PEX7: variants seen among roughly 807,000 people sequenced by gnomAD.
PEX7 encodes the protein PTS2 receptor.
PEX7 carries 34 observed loss-of-function variants against 47.5 expected under a neutral mutation model. That is an observed-to-expected ratio of 0.72 (90% confidence interval 0.54 to 0.95). The LOEUF (loss-of-function observed/expected upper bound fraction) is 0.95, where lower values mean the gene tolerates loss of function less well. Among genes scored for constraint, PEX7 ranks in the 40% least tolerant of loss-of-function variants. PEX7 has a pLI of 0.00. For missense variants in PEX7, 394 were observed against 400.3 expected, an observed-to-expected ratio of 0.98 and a Z score of 0.13; for synonymous variants, 141 against 148.8, an observed-to-expected ratio of 0.95 and a Z score of 0.38.
chr6:136,911,408 T>G (rs772617391), intron 9 of PEX7, among the ~76,000 whole-genome samples: 3 of 152,128 alleles, frequency 2.0e-5, no homozygotes, highest in Non-Finnish European at 4.4e-5. Context: ...GTATTTTGGT[T>G]GTTTTCCTTT....
chr6:136,913,587 A>C lies in PEX7; in HGVS notation c.*61A>C, dbSNP rs529661895. On this transcript the variant is annotated 3_prime_UTR_variant, in exon 10 of 10. Coordinates refer to ENST00000318471, the MANE Select transcript of PEX7 (RefSeq NM_000288.4). ...CTGAAGAACTGCCTAACAGCAAATA[A>C]ATTAACTATGGAAAACATAGACATT... 9 of 1,044,340 alleles carry C rather than the reference A, an allele frequency of 8.6e-6. No homozygotes were observed. In the East Asian group the frequency reaches 2.1e-4, roughly 25 times the overall value. 64.7% of individuals were successfully genotyped at this position (1,044,340 alleles called of 1,614,324 possible).
intron 9 of PEX7, among the ~76,000 whole-genome samples, chr6:136,910,327 G>A (rs1435109397): frequency 6.6e-6 from 1 of 152,120 alleles, no homozygotes; most frequent in Non-Finnish European, 1.5e-5. Flanking sequence ...TACAATGAAT[G>A]ACTTCATAGA....
At chr6:136,845,883 C>G in intron 4 of PEX7, among the ~76,000 whole-genome samples, 190 bp from the exon 5 acceptor site, 1 of 152,090 alleles carries the variant, frequency 6.6e-6, no homozygotes, top group East Asian at 1.9e-4. Flanking sequence ...TAATAGTTAG[C>G]TCAGCATTAG....
intron 3 of PEX7, among the ~76,000 whole-genome samples, chr6:136,837,254 C>T (rs749647016): frequency 7.5e-5 from 11 of 146,834 alleles, no homozygotes; most frequent in African/African-American, 2.3e-4. Context: ...TTCAGCTGCT[C>T]GGGAGGCTGA....
chr6:136,884,041 T>C (rs1233565937), intron 8 of PEX7, among the ~76,000 whole-genome samples: 1 of 152,222 alleles, frequency 6.6e-6, no homozygotes, highest in East Asian at 1.9e-4. Flanking sequence ...TATAGGATTA[T>C]CGAAGACTTT....
At chr6:136,899,087 T>TC (rs201677588) in intron 9 of PEX7, among the ~76,000 whole-genome samples, 2,334 of 146,028 alleles carry the variant, frequency 0.016, 64 homozygotes, top group African/African-American at 0.055. Flanking sequence ...TTTCTTTTTT[T>TC]TTTTTTTTTT....
At chr6:136,868,337 G>A (rs1302482667) in intron 6 of PEX7, among the ~76,000 whole-genome samples, 1 of 152,124 alleles carries the variant, frequency 6.6e-6, no homozygotes, top group Admixed American at 6.6e-5. Context: ...TAGGTAAAAT[G>A]TATGCTTTGT....
At position 136,900,609 on chromosome 6, in the gene PEX7, CT is replaced by C; in HGVS notation, c.903+2371del. ...GGGTCATCCTGTGAACCAGTCTTGC[CT>C]TTCCCTTGACAGCGCAGTCAGGGAC... On this transcript the variant is annotated intron_variant, in intron 9 of 9. Coordinates refer to ENST00000318471, the MANE Select transcript of PEX7 (RefSeq NM_000288.4). The surrounding 1 kb of genome is among the most constrained non-coding windows in gnomAD (Gnocchi z 4.2). 4 of 361,572 alleles carry C rather than the reference CT, an allele frequency of 1.1e-5. No homozygotes were observed. Among genetic ancestry groups the C allele is most frequent in the East Asian group, 8.6e-5 (1 of 11,644 alleles). 22.4% of individuals were successfully genotyped at this position (361,572 alleles called of 1,614,324 possible). A position where few individuals can be genotyped will look rare whatever the true frequency, so the allele number is the denominator to read the frequency against.
At chr6:136,863,935 T>C (rs972078219) in intron 5 of PEX7, among the ~76,000 whole-genome samples, 1 of 152,122 alleles carries the variant, frequency 6.6e-6, no homozygotes, top group Non-Finnish European at 1.5e-5. Flanking sequence ...ACATTGATTG[T>C]ATGGCATTTG....
At chr6:136,903,073 ATAT>A (rs1266983742) in intron 9 of PEX7, among the ~76,000 whole-genome samples, 3 of 152,136 alleles carry the variant, frequency 2.0e-5, no homozygotes, top group African/African-American at 7.2e-5. Flanking sequence ...CTGTTTTACC[ATAT>A]TATTATGTTT....
chr6:136,840,710 T>G (rs896624591), intron 3 of PEX7, among the ~76,000 whole-genome samples: 1 of 152,240 alleles, frequency 6.6e-6, no homozygotes, highest in African/African-American at 2.4e-5. Context: ...AGAGAAATCA[T>G]AGACAAATTC....
chr6:136,865,773 G>T (rs1403845364), intron 5 of PEX7, among the ~76,000 whole-genome samples: 1 of 151,710 alleles, frequency 6.6e-6, no homozygotes, highest in Non-Finnish European at 1.5e-5. Flanking sequence ...GCAAGACTCT[G>T]TCTCAAAAAA....
At chr6:136,898,818 T>TA (rs1775698890) in intron 9 of PEX7, among the ~76,000 whole-genome samples, 3 of 151,932 alleles carry the variant, frequency 2.0e-5, no homozygotes, top group African/African-American at 4.8e-5. Flanking sequence ...GTTTTTTTTT[T>TA]TAAAAAAGCC....
At chr6:136,837,812 CCA>C (rs34680868) in intron 3 of PEX7, among the ~76,000 whole-genome samples, 34,825 of 146,382 alleles carry the variant, frequency 0.24, 4,375 homozygotes, top group Admixed American at 0.29. Context: ...AATTTAAACG[CCA>C]CACACACACA....
At chr6:136,830,226 A>G in intron 3 of PEX7, 1 of 583,184 alleles carries the variant, frequency 1.7e-6, no homozygotes, top group Admixed American at 3.1e-5. Context: ...AGTAGTCTGT[A>G]TCACAGACCA....
intron 3 of PEX7, among the ~76,000 whole-genome samples, chr6:136,837,590 A>G (rs750246659): frequency 1.6e-4 from 25 of 152,254 alleles, no homozygotes; most frequent in African/African-American, 4.8e-4. Context: ...TATGGCCTCT[A>G]AATACTGTTT....
chr6:136,877,303 AAGC>A (rs1676360216), intron 8 of PEX7, among the ~76,000 whole-genome samples: 2 of 152,048 alleles, frequency 1.3e-5, no homozygotes, highest in Admixed American at 1.3e-4. Flanking sequence ...TGCTGTACAG[AAGC>A]TCTTTAGTTT....
intron 5 of PEX7, among the ~76,000 whole-genome samples, chr6:136,853,354 G>C (rs1774794838): frequency 6.6e-6 from 1 of 152,168 alleles, no homozygotes; most frequent in Middle Eastern, 3.2e-3. Context: ...GCAGTTGGCT[G>C]TTTAGTAGAG....
Position 136,913,530 on chromosome 6 carries a change from A to G in PEX7, c.*4A>G, listed in dbSNP as rs1775966238. 1.3e-6 allele frequency: 2 copies of G among 1,596,602 alleles called. No individual in the cohort carries two copies. The highest frequency in any genetic ancestry group is 2.2e-5 in the South Asian group (2 of 90,762). On this transcript the variant is annotated 3_prime_UTR_variant, in exon 10 of 10. Coordinates refer to ENST00000318471, the MANE Select transcript of PEX7 (RefSeq NM_000288.4). ...TTGTCTTACTATTCCTGCTTGAGAT[A>G]CACTACTTTGGTCAGAAACAGAGGA... is the stretch of plus-strand genomic sequence containing the variant.
Sources: gnomAD v4.1 joint callset for allele counts (sites outside exome capture counted in the v4.1 genomes callset) on GRCh38, gnomAD v4.1.1 for gene constraint, Gnocchi (gnomAD v3.1) non-coding constraint, MANE v1.5 for transcripts, NCBI Gene and HGNC (gene_info 2026-07-23, HGNC 2026-07-21) for gene names.